The following RRM1 variants were observed in gnomAD, a reference collection of about 807,000 sequenced individuals.
RRM1 encodes the protein ribonucleotide reductase catalytic subunit M1, also known as ribonucleoside-diphosphate reductase large subunit.
A neutral mutation model predicts 101.5 loss-of-function variants in RRM1; 19 were observed. The ratio of observed to expected loss-of-function variants is 0.19; its 90% CI spans 0.13 to 0.27. RRM1 has a LOEUF of 0.27. Ranked by LOEUF, RRM1 falls within the 10% of genes least tolerant of loss-of-function variation. RRM1 has a pLI of 1.00. For synonymous variants in RRM1, 298 were observed against 323.4 expected, an observed-to-expected ratio of 0.92 and a Z score of 0.84; for missense variants, 500 against 962.9, an observed-to-expected ratio of 0.52 and a Z score of 6.36.
intron 1 of RRM1, among the ~76,000 whole-genome samples, chr11:4,100,220 T>G (rs1362321292): frequency 2.6e-5 from 4 of 152,256 alleles, no homozygotes; most frequent in Non-Finnish European, 4.4e-5. Flanking sequence ...CATTTATTCT[T>G]CATCAAATGT....
chr11:4,123,348 G>T lies in RRM1; in HGVS notation c.1284G>T (p.Leu428=). The change falls in exon 12 of 19, where the codon CTG becomes CTT. Residue 428 remains leucine, a synonymous_variant. Transcript: ENST00000300738. ...TGGGAACCATCAAATGCAGCAACCT[G>T]TGCACAGAAATAGTGGAGTACACCA... ...QNLGTIKCSN[L]CTEIVEYTSK... 1.2e-6 allele frequency: 2 copies of T among 1,614,142 alleles called. No homozygotes were observed. The highest frequency in any genetic ancestry group is 1.7e-6 in the Non-Finnish European group (2 of 1,180,020).
chr11:4,108,369 C>T (rs903383191), intron 4 of RRM1, among the ~76,000 whole-genome samples: 22 of 152,002 alleles, frequency 1.4e-4, no homozygotes, highest in African/African-American at 4.6e-4. Context: ...GAGGCTGAGG[C>T]GGGTGGATCA....
At chr11:4,136,735 TTTG>T (rs946612234) in intron 18 of RRM1, among the ~76,000 whole-genome samples, 1 of 2,776 alleles carries the variant, frequency 3.6e-4, no homozygotes, top group African/African-American at 7.1e-4. Context: ...AATGTATTTT[TTTG>T]TTTGTTTGTT....
chr11:4,095,131 C>T, intron 1 of RRM1, 100 bp downstream of exon 1: 1 of 1,383,872 alleles, frequency 7.2e-7, no homozygotes, highest in Non-Finnish European at 1.0e-6. Context: ...CGCTGCTTCC[C>T]GCCTTTCCCG....
intron 1 of RRM1, among the ~76,000 whole-genome samples, chr11:4,097,869 T>C (rs2094545777): frequency 6.6e-6 from 1 of 152,260 alleles, no homozygotes; most frequent in Non-Finnish European, 1.5e-5. Context: ...AAGGCAGCTC[T>C]ATCTTCAAAG....
At chr11:4,101,778 G>A (rs1260942093) in intron 1 of RRM1, 8 of 454,432 alleles carry the variant, frequency 1.8e-5, no homozygotes, top group East Asian at 3.7e-5. Flanking sequence ...GAAATTATCC[G>A]TAAACGTCTG....
At chr11:4,125,345 A>G (rs1408426916) in intron 12 of RRM1, among the ~76,000 whole-genome samples, 2 of 152,212 alleles carry the variant, frequency 1.3e-5, no homozygotes, top group Non-Finnish European at 2.9e-5. Context: ...CATTGTGGAC[A>G]TTCCATAGGA....
rs1420339430 is a variant in RRM1, at chr11:4,106,165, C to G, written c.228C>G (p.Ile76Met). Residue 76 changes from isoleucine to methionine, a missense_variant, in exon 3 of 19, where the codon ATC becomes ATG. Around this residue, in one of 9 missense-constraint regions of RRM1, gnomAD observed 44 missense variants for 119.4 expected, o/e 0.37. Transcript: ENST00000300738. ...TLTTKHPDYA[I>M]LAARIAVSNL... ...CTACTAAGCACCCTGACTATGCTAT[C>G]CTGGCAGCCAGGATCGCTGTCTCTA... 1 of 1,614,072 alleles carries G rather than the reference C, an allele frequency of 6.2e-7. No homozygotes were observed. Among genetic ancestry groups the G allele is most frequent in the South Asian group, 1.1e-5 (1 of 91,066 alleles).
intron 18 of RRM1, among the ~76,000 whole-genome samples, chr11:4,136,392 G>A (rs1165589791): frequency 1.3e-5 from 2 of 151,816 alleles, no homozygotes; most frequent in African/African-American, 4.8e-5. Context: ...GCTAATTTTT[G>A]TATTTTTATT....
rs575532940 is a variant in RRM1 at position 4,111,506 on chromosome 11, GAA to G, written c.448-94_448-93del. On this transcript the variant is annotated intron_variant, in intron 5 of 18. Coordinates refer to ENST00000300738, the MANE Select transcript of RRM1 (RefSeq NM_001033.5). ...TCATTTGAAATTTTATAGAAACGGCGAAGATTTAAAGAGATTGCCTTATTGTG... is the reference window on the plus strand; with the variant it reads ...TCATTTGAAATTTTATAGAAACGGCGGATTTAAAGAGATTGCCTTATTGTG... The G allele has an allele frequency of 2.4e-5, 17 of 699,686 alleles. No homozygotes were observed. In the South Asian group the frequency reaches 4.5e-4, roughly 19 times the overall value. The allele number at this position is 699,686 out of a possible 1,614,324, so 43.3% of individuals were successfully genotyped here. A position where few individuals can be genotyped will look rare whatever the true frequency, so the allele number is the denominator to read the frequency against.
In RRM1 at chr11:4,137,678, C is replaced by A. The variant is rs1277657507; in HGVS notation, c.2191-517C>A. ...GCGGCTGGCCGGGCGGGGGGCTGAC[C>A]CCCCCACCTCCCTCCCGGACGGGGC... is the stretch of plus-strand genomic sequence containing the variant. On this transcript the variant is annotated intron_variant, in intron 18 of 18. Transcript: ENST00000300738. 3.6e-4 allele frequency among the ~76,000 whole-genome samples: 6 copies of A among 16,456 alleles called. 1 individual carries two copies. Among genetic ancestry groups the A allele is most frequent in the Non-Finnish European group, 9.2e-4 (5 of 5,422 alleles). The allele number at this position is 16,456 out of a possible 152,430, so 10.8% of individuals were successfully genotyped here. A position where few individuals can be genotyped will look rare whatever the true frequency, so the allele number is the denominator to read the frequency against.
At chr11:4,113,738 T>C (rs1669259164) in intron 7 of RRM1, among the ~76,000 whole-genome samples, 1 of 152,222 alleles carries the variant, frequency 6.6e-6, no homozygotes, top group East Asian at 1.9e-4. Flanking sequence ...TACAAACCTG[T>C]GTAGCATGTT....
In RRM1 at chr11:4,132,569, T is replaced by G. The variant is rs1284375181; in HGVS notation, c.1905+148T>G. On this transcript the variant is annotated intron_variant, in intron 16 of 18. Transcript: ENST00000300738. This position sits in a 1 kb window ranked among gnomAD's most constrained non-coding sequence, Gnocchi z 4.1. Reference sequence around the variant, plus strand: ...TCATCTTCATCTCTAATATTATTATTTGTTATTAATATTTCAGCACAATAG... The same window carrying G: ...TCATCTTCATCTCTAATATTATTATGTGTTATTAATATTTCAGCACAATAG... The G allele has an allele frequency of 2.8e-6, 2 of 716,938 alleles. No individual in the cohort carries two copies. The highest frequency in any genetic ancestry group is 2.3e-6 in the Non-Finnish European group (1 of 439,282). 44.4% of individuals were successfully genotyped at this position (716,938 alleles called of 1,614,324 possible).
chr11:4,111,390 G>A (rs762579986), intron 5 of RRM1, among the ~76,000 whole-genome samples: 7 of 145,768 alleles, frequency 4.8e-5, no homozygotes, highest in East Asian at 2.0e-4. Flanking sequence ...CAGCCTGGGC[G>A]ACAGAGCGAG....
intron 15 of RRM1, among the ~76,000 whole-genome samples, chr11:4,131,201 G>A (rs2094599599): frequency 6.6e-6 from 1 of 152,210 alleles, no homozygotes; most frequent in Admixed American, 6.5e-5. Context: ...AAAGTGCTGA[G>A]TAAAGGGAGA....
At chr11:4,121,927 A>C (rs12295358) in intron 10 of RRM1, among the ~76,000 whole-genome samples, 162 bp downstream of exon 10, 1 of 152,294 alleles carries the variant, frequency 6.6e-6, no homozygotes, top group East Asian at 1.9e-4. Context: ...TTATATTTCT[A>C]TTCTCTAAAG....
intron 3 of RRM1, 119 bp downstream of exon 3, chr11:4,106,342 G>A (rs988727420): frequency 1.4e-4 from 116 of 858,438 alleles, no homozygotes; most frequent in Non-Finnish European, 1.9e-4. Context: ...CTTACACCTC[G>A]AATCCCAGCA....
chr11:4,127,402 T>A, intron 14 of RRM1, 146 bp downstream of exon 14: 1 of 521,312 alleles, frequency 1.9e-6, no homozygotes, highest in Non-Finnish European at 3.2e-6. Context: ...TTTGCAGATG[T>A]AATTAAGAAC....
Position 4,132,505 on chromosome 11 carries a change from C to T in RRM1, c.1905+84C>T, listed in dbSNP as rs972466663. 8 of 1,465,782 alleles carry T rather than the reference C, an allele frequency of 5.5e-6. No homozygotes were observed. The East Asian group carries it at 6.9e-5, about 13-fold the overall frequency. 90.8% of individuals were successfully genotyped at this position (1,465,782 alleles called of 1,614,324 possible). On this transcript the variant is annotated intron_variant, in intron 16 of 18. Transcript: ENST00000300738. The surrounding 1 kb of genome is among the most constrained non-coding windows in gnomAD (Gnocchi z 4.1). ...AAATGCTCACTCATGTTTAATTTGC[C>T]CATTTTCTTAGTTTGGGTGCAAACT...
Sources: allele counts gnomAD v4.1 joint callset (sites outside exome capture counted in the v4.1 genomes callset), GRCh38; gene constraint gnomAD v4.1.1; regional missense constraint gnomAD v4.1.1; non-coding constraint Gnocchi (gnomAD v3.1); transcripts MANE v1.5; gene names NCBI Gene and HGNC (gene_info 2026-07-23, HGNC 2026-07-21).